The following NF1 variants were observed in gnomAD, a reference collection of about 807,000 sequenced individuals.
NF1 encodes neurofibromin.
NF1 carries 122 observed loss-of-function variants against 325.7 expected under a neutral mutation model. That is an observed-to-expected ratio of 0.37 (90% CI 0.32 to 0.44). NF1 has a LOEUF of 0.44. Ranked by LOEUF, NF1 falls within the 20% of genes least tolerant of loss-of-function variation. The pLI, the probability that NF1 is intolerant of heterozygous loss-of-function variation, is 1.00. For synonymous variants in NF1, 1,091 were observed against 1,186.0 expected, an observed-to-expected ratio of 0.92 and a Z score of 1.65; for missense variants, 2,140 against 3,415.4, an observed-to-expected ratio of 0.63 and a Z score of 9.31.
chr17:31,318,900 G>A, intron 36 of NF1: 1 of 1,614,048 alleles, frequency 6.2e-7, no homozygotes, highest in East Asian at 2.2e-5. Flanking sequence ...AAGAAGTACT[G>A]TTAGCCCACA....
chr17:31,187,555 A>G (rs2066264087), intron 8 of NF1, among the ~76,000 whole-genome samples: 1 of 152,202 alleles, frequency 6.6e-6, no homozygotes, highest in African/African-American at 2.4e-5. Context: ...GAACAGTGGA[A>G]TGGCCTTTTG....
At chr17:31,121,435 C>T (rs1264077517) in intron 1 of NF1, among the ~76,000 whole-genome samples, 2 of 121,002 alleles carry the variant, frequency 1.7e-5, no homozygotes, top group African/African-American at 3.3e-5. Context: ...GAGTTTCGCT[C>T]TGTCACCCAG....
intron 1 of NF1, among the ~76,000 whole-genome samples, chr17:31,109,664 G>T (rs948840122): frequency 6.6e-6 from 1 of 152,098 alleles, no homozygotes; most frequent in Admixed American, 6.5e-5. Flanking sequence ...GATTACAGGC[G>T]TGAGCCACCA....
rs188519439 is a variant in NF1 at position 31,107,248 on chromosome 17, G to T, written c.60+11879G>T. On this transcript the variant is annotated intron_variant, in intron 1 of 57. Transcript: ENST00000358273. The stretch of plus-strand genomic sequence containing the variant: ...TGAGTGCGGAGGGAAAAAAAGCACA[G>T]TATTTCTTTCCCTGTTATGTTTCAG... Among the ~76,000 whole-genome samples the T allele has an allele frequency of 3.0e-4, 46 of 152,212 alleles. 1 individual carries two copies. In the East Asian group the frequency reaches 8.5e-3, roughly 28 times the overall value.
chr17:31,158,782 T>C (rs2065711922), intron 2 of NF1, among the ~76,000 whole-genome samples: 1 of 152,180 alleles, frequency 6.6e-6, no homozygotes, highest in South Asian at 2.1e-4. Flanking sequence ...TCTTTTACTG[T>C]TACAAGGTTA....
chr17:31,148,022 G>A (rs1311919772), intron 1 of NF1, among the ~76,000 whole-genome samples: 3 of 152,186 alleles, frequency 2.0e-5, no homozygotes, highest in Non-Finnish European at 4.4e-5. Context: ...CAGGGGAAAA[G>A]CAGCTGCAGA....
intron 36 of NF1, among the ~76,000 whole-genome samples, chr17:31,271,736 G>A (rs903992013): frequency 6.6e-6 from 1 of 151,994 alleles, no homozygotes; most frequent in Non-Finnish European, 1.5e-5. Flanking sequence ...GGCAACAGGA[G>A]TGAAACTCTG....
chr17:31,311,124 TG>T (rs551208335), intron 36 of NF1, among the ~76,000 whole-genome samples: 37 of 152,146 alleles, frequency 2.4e-4, no homozygotes, highest in African/African-American at 8.9e-4. Flanking sequence ...AACTAATTTT[TG>T]TATTTTTTGT....
At chr17:31,356,760 T>A in intron 52 of NF1, 178 bp downstream of exon 52, 1 of 1,143,454 alleles carries the variant, frequency 8.7e-7, no homozygotes, top group Non-Finnish European at 1.2e-6. Flanking sequence ...GTGTAAAAAT[T>A]AATCATATAT....
intron 1 of NF1, among the ~76,000 whole-genome samples, chr17:31,101,726 T>C (rs533753077): frequency 2.0e-5 from 3 of 152,274 alleles, no homozygotes; most frequent in East Asian, 1.9e-4. Context: ...TTTTTTTTTT[T>C]CCCCATGAGG....
At chr17:31,180,142 T>A (rs1053103038) in intron 5 of NF1, among the ~76,000 whole-genome samples, 3 of 152,190 alleles carry the variant, frequency 2.0e-5, no homozygotes, top group South Asian at 4.1e-4. Flanking sequence ...CAGGACCAGA[T>A]GGATTCACAG....
chr17:31,176,553 T>G (rs1904568741), intron 5 of NF1, among the ~76,000 whole-genome samples: 1 of 152,186 alleles, frequency 6.6e-6, no homozygotes, highest in Non-Finnish European at 1.5e-5. Context: ...TGTCATTGCT[T>G]TTGGTGTTTC....
chr17:31,296,016 C>T, intron 36 of NF1: 4 of 1,614,100 alleles, frequency 2.5e-6, no homozygotes, highest in Non-Finnish European at 3.4e-6. Flanking sequence ...TTGTTAGCAG[C>T]AGACATGTTC....
intron 38 of NF1, among the ~76,000 whole-genome samples, chr17:31,328,916 C>T (rs965205237): frequency 6.6e-6 from 1 of 152,220 alleles, no homozygotes; most frequent in East Asian, 1.9e-4. Flanking sequence ...TGACACCTGT[C>T]CTGGGTTGAG....
chr17:31,348,881 T>C (rs1182992650), intron 48 of NF1, among the ~76,000 whole-genome samples: 3 of 152,104 alleles, frequency 2.0e-5, no homozygotes, highest in Non-Finnish European at 4.4e-5. Context: ...CTTCCTGGAG[T>C]ACTGTAGAGT....
chr17:31,279,450 A>C (rs921684680), intron 36 of NF1, among the ~76,000 whole-genome samples: 1 of 152,106 alleles, frequency 6.6e-6, no homozygotes, highest in Non-Finnish European at 1.5e-5. Context: ...AGTATATAGC[A>C]CTGAAAAGTG....
At chr17:31,103,660 C>T (rs1912572280) in intron 1 of NF1, among the ~76,000 whole-genome samples, 1 of 152,132 alleles carries the variant, frequency 6.6e-6, no homozygotes, top group South Asian at 2.1e-4. Flanking sequence ...CTGCACCTGG[C>T]CTTAAGTCTG....
At chr17:31,354,835 A>G (rs1173651503) in intron 51 of NF1, among the ~76,000 whole-genome samples, 2 of 152,112 alleles carry the variant, frequency 1.3e-5, no homozygotes, top group Admixed American at 1.3e-4. Context: ...AAAAACAAAA[A>G]TCAGGTTTGG....
At chr17:31,178,329 G>T (rs1305136643) in intron 5 of NF1, among the ~76,000 whole-genome samples, 1 of 152,182 alleles carries the variant, frequency 6.6e-6, no homozygotes, top group African/African-American at 2.4e-5. Context: ...GAGAGATTTT[G>T]TCACCACCAG....
Sources: gnomAD v4.1 joint callset for allele counts (sites outside exome capture counted in the v4.1 genomes callset) on GRCh38, gnomAD v4.1.1 for gene constraint, MANE v1.5 for transcripts, NCBI Gene and HGNC (gene_info 2026-07-23, HGNC 2026-07-21) for gene names.